Variants in BEGAIN observed in about 807,000 individuals in gnomAD.
The protein encoded by BEGAIN is brain enriched guanylate kinase associated, also known as brain-enriched guanylate kinase-associated protein.
In BEGAIN, 19 loss-of-function variants were observed where a neutral mutation model predicts 35.8. The ratio of observed to expected loss-of-function variants is 0.53; its 90% CI spans 0.37 to 0.78. BEGAIN has a LOEUF of 0.78. BEGAIN is among the 30% of genes least tolerant of loss of function. The pLI is 0.00. For missense variants in BEGAIN, 795 were observed against 853.6 expected, an observed-to-expected ratio of 0.93 and a Z score of 0.85; for synonymous variants, 462 against 388.6, an observed-to-expected ratio of 1.19 and a Z score of -2.22.
chr14:100,586,898 C>A lies in BEGAIN; in HGVS notation c.42+351G>T, dbSNP rs553891546. On this transcript the variant is annotated intron_variant, in intron 1 of 6. Transcript: ENST00000554140. The surrounding 1 kb of genome is among the most constrained non-coding windows in gnomAD (Gnocchi z 4.9). ...CCTCGCCACCCGCCCGGGACAGCGG[C>A]GGGTCCCCAGTCCTCCGGCCGCGCC... Among the ~76,000 whole-genome samples, 97 of 152,154 alleles carry A rather than the reference C, an allele frequency of 6.4e-4. No homozygotes were observed. Among genetic ancestry groups the A allele is most frequent in the African/African-American group, 2.2e-3 (93 of 41,552 alleles).
In BEGAIN at chr14:100,546,490, C is replaced by CCGCCCCTCACCTGCGCAGCTTCT; in HGVS notation, c.221_233+10dup. The stretch of plus-strand genomic sequence containing the variant: ...CCCTCGCCCCGCCCCGGCCCTCGCC[C>CCGCCCCTCACCTGCGCAGCTTCT]CGCCCCTCACCTGCGCAGCTTCTCC... On this transcript the variant is annotated intron_variant, in intron 3 of 6. Transcript: ENST00000554140. The CCGCCCCTCACCTGCGCAGCTTCT allele has an allele frequency of 6.9e-7, 1 of 1,446,546 alleles. No homozygotes were observed. Among genetic ancestry groups the CCGCCCCTCACCTGCGCAGCTTCT allele is most frequent in the Non-Finnish European group, 9.2e-7 (1 of 1,089,778 alleles). The allele number at this position is 1,446,546 out of a possible 1,614,324, so 89.6% of individuals were successfully genotyped here. A position where few individuals can be genotyped will look rare whatever the true frequency, so the allele number is the denominator to read the frequency against.
intron 1 of BEGAIN, among the ~76,000 whole-genome samples, chr14:100,583,524 C>A (rs929628798): frequency 3.3e-5 from 5 of 152,100 alleles, no homozygotes; most frequent in Non-Finnish European, 7.4e-5. Flanking sequence ...TTTGTTCTAT[C>A]AATCCAGTCC....
intron 5 of BEGAIN, among the ~76,000 whole-genome samples, chr14:100,541,662 C>T (rs954139393): frequency 1.1e-4 from 16 of 152,246 alleles, no homozygotes; most frequent in Admixed American, 2.0e-4. Context: ...CACTGCCCAG[C>T]CAGCCCAGGT....
chr14:100,553,526 A>G (rs1477412042), intron 2 of BEGAIN, among the ~76,000 whole-genome samples: 1 of 152,132 alleles, frequency 6.6e-6, no homozygotes, highest in Admixed American at 6.5e-5. Flanking sequence ...ACTGTCCCAT[A>G]CAGGCCTTCA....
At chr14:100,544,960 G>C in intron 4 of BEGAIN, 40 bp downstream of exon 4, 1 of 1,596,464 alleles carries the variant, frequency 6.3e-7, no homozygotes, top group Non-Finnish European at 8.5e-7. Flanking sequence ...CCGGGAAGGA[G>C]GTGTGGGGTG....
intron 2 of BEGAIN, among the ~76,000 whole-genome samples, chr14:100,556,129 C>T (rs1236414557): frequency 6.6e-6 from 1 of 152,152 alleles, no homozygotes; most frequent in Non-Finnish European, 1.5e-5. Flanking sequence ...GCCACCCTGA[C>T]GGTGTGGATT....
intron 4 of BEGAIN, 116 bp downstream of exon 4, chr14:100,544,884 G>C: frequency 9.8e-7 from 1 of 1,021,884 alleles, no homozygotes; most frequent in Non-Finnish European, 1.5e-6. Flanking sequence ...GGAGAAAGGG[G>C]TGGGACCAGC....
chr14:100,561,152 G>A (rs1166183624), intron 2 of BEGAIN, among the ~76,000 whole-genome samples: 1 of 152,178 alleles, frequency 6.6e-6, no homozygotes, highest in Non-Finnish European at 1.5e-5. Flanking sequence ...ACGGCCCCTG[G>A]GGAAAAGTGC....
chr14:100,538,312 TCCC>T lies in BEGAIN; in HGVS notation c.1493_1495del (p.Gly498del). The T allele has an allele frequency of 6.6e-7, 1 of 1,525,586 alleles. No homozygotes were observed. The highest frequency in any genetic ancestry group is 8.7e-7 in the Non-Finnish European group (1 of 1,144,572). 94.5% of individuals were successfully genotyped at this position (1,525,586 alleles called of 1,614,324 possible). A position where few individuals can be genotyped will look rare whatever the true frequency, so the allele number is the denominator to read the frequency against. ...TGCCAGGTGGCCCTGGGAGAGGTCGTCCCCCTCGGAGAAGCTGTCGGCCTTGTA... is the reference window on the plus strand; with the variant it reads ...TGCCAGGTGGCCCTGGGAGAGGTCGTCCTCGGAGAAGCTGTCGGCCTTGTA... On this transcript the variant is annotated inframe_deletion, in exon 7 of 7. Coordinates refer to ENST00000554140, the MANE Select transcript of BEGAIN (RefSeq NM_001385089.1).
At chr14:100,562,135 C>A (rs1438167411) in intron 2 of BEGAIN, among the ~76,000 whole-genome samples, 1 of 152,026 alleles carries the variant, frequency 6.6e-6, no homozygotes, top group Admixed American at 6.6e-5. Context: ...AGGGGTGTGG[C>A]CTGCTGGGGT....
chr14:100,579,363 G>A (rs2035270268), intron 1 of BEGAIN, among the ~76,000 whole-genome samples: 1 of 152,324 alleles, frequency 6.6e-6, no homozygotes, highest in East Asian at 1.9e-4. Flanking sequence ...TGGGGCCAGG[G>A]AGATAAACTT....
chr14:100,568,313 C>CCCCCCCCCCCGTAAACCATACA lies in BEGAIN; in HGVS notation c.43-375_43-374insTGTATGGTTTACGGGGGGGGGG. The CCCCCCCCCCCGTAAACCATACA allele has an allele frequency of 1.3e-6, 1 of 756,892 alleles. No homozygotes were observed. The highest frequency in any genetic ancestry group is 1.9e-6 in the Non-Finnish European group (1 of 530,270). 46.9% of individuals were successfully genotyped at this position (756,892 alleles called of 1,614,324 possible). On this transcript the variant is annotated intron_variant, in intron 1 of 6. Coordinates refer to ENST00000554140, the MANE Select transcript of BEGAIN (RefSeq NM_001385089.1). The surrounding 1 kb of genome is among the most constrained non-coding windows in gnomAD (Gnocchi z 7.5). ...GCGGCCGCGGCCCCGCTGCTCCCCC[C>CCCCCCCCCCCGTAAACCATACA]GCCCCGCCCGTTAACCCTTCCTGCC...
At chr14:100,575,618 T>C (rs183134657) in intron 1 of BEGAIN, among the ~76,000 whole-genome samples, 1 of 151,998 alleles carries the variant, frequency 6.6e-6, no homozygotes, top group Non-Finnish European at 1.5e-5. Flanking sequence ...GTGCCCATCA[T>C]GAGATACGAT....
At position 100,546,492 on chromosome 14, in the gene BEGAIN, G is replaced by T. The variant is rs1456786273; in HGVS notation, c.233+9C>A. On this transcript the variant is annotated intron_variant, in intron 3 of 6. Transcript: ENST00000554140. The stretch of plus-strand genomic sequence containing the variant: ...CTCGCCCCGCCCCGGCCCTCGCCCC[G>T]CCCCTCACCTGCGCAGCTTCTCCGT... 3 of 1,378,210 alleles carry T rather than the reference G, an allele frequency of 2.2e-6. No homozygotes were observed. The highest frequency in any genetic ancestry group is 1.3e-5 in the South Asian group (1 of 74,944). 85.4% of individuals were successfully genotyped at this position (1,378,210 alleles called of 1,614,324 possible). A position where few individuals can be genotyped will look rare whatever the true frequency, so the allele number is the denominator to read the frequency against.
At chr14:100,560,875 C>T (rs976589492) in intron 2 of BEGAIN, among the ~76,000 whole-genome samples, 4 of 152,230 alleles carry the variant, frequency 2.6e-5, no homozygotes, top group African/African-American at 9.6e-5. Context: ...GCCCTCGACA[C>T]GAGCCCCAGA....
At chr14:100,577,661 C>T (rs1219408632) in intron 1 of BEGAIN, 12 of 398,960 alleles carry the variant, frequency 3.0e-5, no homozygotes, top group South Asian at 1.3e-4. Context: ...CCCAGGCGTG[C>T]GAGGGAGCCA....
At chr14:100,544,731 C>T (rs1158598300) in intron 4 of BEGAIN, among the ~76,000 whole-genome samples, 2 of 152,142 alleles carry the variant, frequency 1.3e-5, no homozygotes, top group Non-Finnish European at 2.9e-5. Context: ...GGGCCCGTTC[C>T]CAGTGTATGT....
In BEGAIN at chr14:100,538,223, G is replaced by C. The variant is rs1023894109; in HGVS notation, c.1585C>G (p.Leu529Val). 1.9e-6 allele frequency: 3 copies of C among 1,568,616 alleles called. No individual in the cohort carries two copies. The highest frequency in any genetic ancestry group is 1.4e-5 in the African/African-American group (1 of 73,658). The part of the protein sequence containing the change: ...SLSPGRSADP[L>V]PGYAPSEGGD... ...CCCTCGCTGGGTGCATAGCCGGGCA[G>C]TGGGTCAGCCGAGCGGCCGGGACTG... Residue 529 changes from leucine to valine, a missense_variant, in exon 7 of 7, where the codon CTG becomes GTG. Physicochemically the swap from Leu to Val is conservative, Grantham distance 32. This residue lies in a region of BEGAIN where 664 missense variants were observed against 647.7 expected (regional missense o/e 1.03). Coordinates refer to ENST00000554140, the MANE Select transcript of BEGAIN (RefSeq NM_001385089.1).
At chr14:100,569,284 C>G (rs2034983632) in intron 1 of BEGAIN, 1 of 152,222 alleles carries the variant, frequency 6.6e-6, no homozygotes, top group Admixed American at 6.5e-5. Flanking sequence ...TGGCGGTTCC[C>G]CTCCCCAGAC....
Sources: gnomAD v4.1 joint callset for allele counts (sites outside exome capture counted in the v4.1 genomes callset) on GRCh38, gnomAD v4.1.1 for gene constraint, gnomAD v4.1.1 regional missense constraint, Gnocchi (gnomAD v3.1) non-coding constraint, MANE v1.5 for transcripts, NCBI Gene and HGNC (gene_info 2026-07-23, HGNC 2026-07-21) for gene names.